Variants in FAAP100 observed in about 807,000 individuals in gnomAD.
The protein encoded by FAAP100 is Fanconi anemia core complex-associated protein 100.
A neutral mutation model predicts 65.8 loss-of-function variants in FAAP100; 46 were observed. The ratio of observed to expected loss-of-function variants is 0.70; its 90% CI spans 0.55 to 0.89. The LOEUF is 0.89. Ranked by LOEUF, FAAP100 falls within the 40% of genes least tolerant of loss-of-function variation. The probability of loss-of-function intolerance (pLI) is 0.00; values close to 1 mark genes in which losing one functional copy is unlikely to be tolerated. For synonymous variants in FAAP100, 663 were observed against 555.1 expected, an observed-to-expected ratio of 1.19 and a Z score of -2.73; for missense variants, 1,165 against 1,196.7, an observed-to-expected ratio of 0.97 and a Z score of 0.39.
intron 5 of FAAP100, among the ~76,000 whole-genome samples, chr17:81,546,217 C>T (rs972883736): frequency 1.3e-5 from 2 of 152,240 alleles, no homozygotes; most frequent in African/African-American, 4.8e-5. Context: ...GGCAGAAACA[C>T]CCCAGGGGAT....
intron 2 of FAAP100, 81 bp downstream of exon 2, chr17:81,551,847 C>A: frequency 7.1e-7 from 1 of 1,410,364 alleles, no homozygotes; most frequent in Non-Finnish European, 9.2e-7. Context: ...TCCCCAAGCG[C>A]GATGAGGTGG....
chr17:81,551,497 C>T (rs1320977144), intron 2 of FAAP100, among the ~76,000 whole-genome samples: 1 of 152,268 alleles, frequency 6.6e-6, no homozygotes, highest in African/African-American at 2.4e-5. Flanking sequence ...GGGCCGCGGT[C>T]AGCAGCTGCT....
chr17:81,549,726 T>G (rs1409460302), intron 3 of FAAP100, among the ~76,000 whole-genome samples: 1 of 152,140 alleles, frequency 6.6e-6, no homozygotes, highest in Non-Finnish European at 1.5e-5. Flanking sequence ...GTGGCTCTAT[T>G]CCTCTCACCC....
At chr17:81,541,072 AAC>A in intron 8 of FAAP100, 122 bp from the exon 9 acceptor site, 1 of 1,309,104 alleles carries the variant, frequency 7.6e-7, no homozygotes, top group Non-Finnish European at 1.0e-6. Context: ...TCCGAGGAAG[AAC>A]ACTCATCCGG....
intron 6 of FAAP100, among the ~76,000 whole-genome samples, chr17:81,544,577 C>A (rs1191561504): frequency 1.3e-5 from 2 of 150,220 alleles, no homozygotes; most frequent in Non-Finnish European, 3.0e-5. Context: ...GCACTGGGAG[C>A]TGCTGGGCCT....
chr17:81,552,759 T>G (rs1469914031), upstream of FAAP100, among the ~76,000 whole-genome samples: 2 of 152,088 alleles, frequency 1.3e-5, no homozygotes, highest in Non-Finnish European at 2.9e-5. Flanking sequence ...GGAGAGCAGC[T>G]GGGTCCTGCC....
intron 2 of FAAP100, chr17:81,551,723 C>T: frequency 7.5e-7 from 1 of 1,341,284 alleles, no homozygotes; most frequent in Non-Finnish European, 9.5e-7. Flanking sequence ...CCATGTGAAC[C>T]CCACTTACTA....
chr17:81,550,671 G>T lies in FAAP100; in HGVS notation c.823C>A (p.Leu275Ile), dbSNP rs763940159. 1.9e-6 allele frequency: 3 copies of T among 1,613,070 alleles called. No homozygotes were observed. The highest frequency in any genetic ancestry group is 2.5e-6 in the Non-Finnish European group (3 of 1,180,016). Residue 275 changes from leucine to isoleucine, a missense_variant, in exon 3 of 9, where the codon CTC becomes ATC. Coordinates refer to ENST00000327787, the MANE Select transcript of FAAP100 (RefSeq NM_025161.6). Reference sequence around the variant, plus strand: ...ATGACGGGCTCCTCCAGGTGATGGAGGATCTTGACAAGGGCATTTGGGTCA... The same window carrying T: ...ATGACGGGCTCCTCCAGGTGATGGATGATCTTGACAAGGGCATTTGGGTCA... ...PGDPNALVKI[L>I]HHLEEPVIFI...
rs544699817 is a variant in FAAP100 at position 81,548,332 on chromosome 17, C to T, written c.1404-654G>A. On this transcript the variant is annotated intron_variant, in intron 4 of 8. Transcript: ENST00000327787. The stretch of plus-strand genomic sequence containing the variant: ...TCAGCAGGGGACGTCTCCCGTGCCC[C>T]ACTAGGGAGAAAGGGTGGGCTGCTG... 17 of 328,916 alleles carry T rather than the reference C, an allele frequency of 5.2e-5. No homozygotes were observed. In the South Asian group the frequency reaches 1.3e-3, roughly 26 times the overall value. The allele number at this position is 328,916 out of a possible 1,614,324, so 20.4% of individuals were successfully genotyped here. A position where few individuals can be genotyped will look rare whatever the true frequency, so the allele number is the denominator to read the frequency against.
chr17:81,552,442 G>C, upstream of FAAP100: 8 of 1,045,650 alleles, frequency 7.7e-6, no homozygotes, highest in Non-Finnish European at 9.8e-6. Flanking sequence ...TAAAGCGGTC[G>C]GCGGTGCCGG....
rs576290700 is a variant in FAAP100, at chr17:81,546,918, C to T, written c.2164G>A (p.Gly722Ser). Residue 722 changes from glycine to serine, a missense_variant, in exon 5 of 9, where the codon GGC becomes AGC. Gly to Ser is a moderately conservative substitution (Grantham distance 56). Transcript: ENST00000327787. ...AAGCAGTGCCACCAACCTGAGTGGCCGTCCTTCAAGGCAGCTCTGAGCAGC... is the reference window on the plus strand; with the variant it reads ...AAGCAGTGCCACCAACCTGAGTGGCTGTCCTTCAAGGCAGCTCTGAGCAGC... ...AELLRAALKD[G>S]HSGVPLCCAT... 67 of 1,391,878 alleles carry T rather than the reference C, an allele frequency of 4.8e-5. 1 individual carries two copies. The East Asian group carries it at 1.1e-3, about 23-fold the overall frequency. The allele number at this position is 1,391,878 out of a possible 1,614,324, so 86.2% of individuals were successfully genotyped here.
At chr17:81,552,126 C>T in intron 1 of FAAP100, 40 bp downstream of exon 1, 1 of 1,477,116 alleles carries the variant, frequency 6.8e-7, no homozygotes, top group Non-Finnish European at 8.9e-7. Context: ...GAACCGCCGC[C>T]CCCGCCCGGT....
At chr17:81,541,221 C>T (rs977801663) in intron 8 of FAAP100, 88 bp downstream of exon 8, 38 of 1,403,482 alleles carry the variant, frequency 2.7e-5, no homozygotes, top group Admixed American at 7.8e-5. Flanking sequence ...GAGGACTCTG[C>T]GGACCCCGAG....
rs572550002 is a variant in FAAP100 at position 81,543,559 on chromosome 17, G to C, written c.2427+445C>G. 2.0e-5 allele frequency among the ~76,000 whole-genome samples: 3 copies of C among 152,272 alleles called. No homozygotes were observed. The East Asian group carries it at 5.8e-4, about 29-fold the overall frequency. ...TGCCAGGGAACTCCTGGGGCTGTGA[G>C]TGGGGGGAACTGCAAACTCCACTCT... On this transcript the variant is annotated intron_variant, in intron 7 of 8. Transcript: ENST00000327787.
Position 81,540,083 on chromosome 17 carries a change from G to GGCCACAGC in FAAP100, c.*728_*735dup. ...GGCTGGGGCTCAGGGCCCCCCCCCG[G>GGCCACAGC]GCCACAGCGCCACCCTGAGTGGCCC... On this transcript the variant is annotated 3_prime_UTR_variant, in exon 9 of 9. Coordinates refer to ENST00000327787, the MANE Select transcript of FAAP100 (RefSeq NM_025161.6). 1 of 271,678 alleles carries GGCCACAGC rather than the reference G, an allele frequency of 3.7e-6. No homozygotes were observed. Among genetic ancestry groups the GGCCACAGC allele is most frequent in the South Asian group, 2.9e-4 (1 of 3,462 alleles). The allele number at this position is 271,678 out of a possible 1,614,324, so 16.8% of individuals were successfully genotyped here.
chr17:81,543,425 C>T (rs2033188787), intron 7 of FAAP100, among the ~76,000 whole-genome samples: 1 of 152,206 alleles, frequency 6.6e-6, no homozygotes. Flanking sequence ...GATGCCTTCC[C>T]GCGGGCACGA....
Position 81,550,697 on chromosome 17 carries a change from C to T in FAAP100, c.797G>A (p.Gly266Asp). Reference protein sequence around the residue: ...KALVTSRSAPGDPNALVKILH... With the variant: ...KALVTSRSAPDDPNALVKILH... ...GATCTTGACAAGGGCATTTGGGTCA[C>T]CAGGGGCTGACCTGGAGGTGACCAG... is the stretch of plus-strand genomic sequence containing the variant. The change falls in exon 3 of 9, where the codon GGT becomes GAT. Residue 266 changes from glycine (G) to aspartate (D), a missense_variant. By Grantham distance (94) the Gly-to-Asp change is moderately conservative (BLOSUM62 -1). Coordinates refer to ENST00000327787, the MANE Select transcript of FAAP100 (RefSeq NM_025161.6). 6.2e-7 allele frequency: 1 copy of T among 1,613,004 alleles called. No homozygotes were observed. The highest frequency in any genetic ancestry group is 8.5e-7 in the Non-Finnish European group (1 of 1,180,008).
intron 3 of FAAP100, among the ~76,000 whole-genome samples, chr17:81,549,718 G>A (rs1046833413): frequency 1.3e-5 from 2 of 152,212 alleles, no homozygotes; most frequent in African/African-American, 4.8e-5. Context: ...GGAGGTGTGT[G>A]GCTCTATTCC....
chr17:81,540,678 G>C lies in FAAP100; in HGVS notation c.*141C>G, dbSNP rs926482767. 2.6e-6 allele frequency: 3 copies of C among 1,143,818 alleles called. No homozygotes were observed. Among genetic ancestry groups the C allele is most frequent in the South Asian group, 3.9e-5 (2 of 51,004 alleles). The allele number at this position is 1,143,818 out of a possible 1,614,324, so 70.9% of individuals were successfully genotyped here. A position where few individuals can be genotyped will look rare whatever the true frequency, so the allele number is the denominator to read the frequency against. On this transcript the variant is annotated 3_prime_UTR_variant, in exon 9 of 9. Coordinates refer to ENST00000327787, the MANE Select transcript of FAAP100 (RefSeq NM_025161.6). ...ACGGCCTCCAAGCACTTTCATGAGC[G>C]TTCTGCTCCTACGTGGCCAGGTCCT... is the stretch of plus-strand genomic sequence containing the variant.
Sources: allele counts gnomAD v4.1 joint callset (sites outside exome capture counted in the v4.1 genomes callset), GRCh38; gene constraint gnomAD v4.1.1; transcripts MANE v1.5; gene names NCBI Gene and HGNC (gene_info 2026-07-23, HGNC 2026-07-21).